The following GRAMD1B variants were observed in gnomAD, a reference collection of about 807,000 sequenced individuals.
GRAMD1B encodes the protein protein Aster-B.
Under a neutral mutation model 99.7 loss-of-function variants are expected in GRAMD1B, and 37 were observed. The observed-to-expected ratio is 0.37, with a 90% CI of 0.29 to 0.49. The LOEUF (loss-of-function observed/expected upper bound fraction) is 0.49, where lower values mean the gene tolerates loss of function less well. Ranked by LOEUF, GRAMD1B falls within the 20% of genes least tolerant of loss-of-function variation. The probability of loss-of-function intolerance (pLI) is 0.98; values close to 1 mark genes in which losing one functional copy is unlikely to be tolerated. For missense variants in GRAMD1B, 888 were observed against 1,009.2 expected, an observed-to-expected ratio of 0.88 and a Z score of 1.63; for synonymous variants, 427 against 387.6, an observed-to-expected ratio of 1.10 and a Z score of -1.19.
chr11:123,365,336 C>T (rs1946282662), intron 1 of GRAMD1B, among the ~76,000 whole-genome samples: 1 of 152,000 alleles, frequency 6.6e-6, no homozygotes, highest in African/African-American at 2.4e-5. Context: ...ACTGCAATTT[C>T]TGCCTCCTGG....
At chr11:123,559,857 G>A (rs1370275653) in intron 2 of GRAMD1B, among the ~76,000 whole-genome samples, 3 of 152,186 alleles carry the variant, frequency 2.0e-5, no homozygotes, top group Non-Finnish European at 4.4e-5. Context: ...TCTACTCCCA[G>A]GCCTCGGGCC....
At chr11:123,408,471 C>A (rs1186128604) in intron 1 of GRAMD1B, among the ~76,000 whole-genome samples, 2 of 152,190 alleles carry the variant, frequency 1.3e-5, no homozygotes, top group African/African-American at 4.8e-5. Context: ...AATTGCCCAA[C>A]CAAAGGATCA....
chr11:123,531,275 C>T (rs1943341707), intron 2 of GRAMD1B, among the ~76,000 whole-genome samples: 1 of 152,156 alleles, frequency 6.6e-6, no homozygotes, highest in Non-Finnish European at 1.5e-5. Context: ...GTGAGAAGGA[C>T]AGCTCAGGGC....
At chr11:123,503,147 C>A (rs1045975284) in intron 2 of GRAMD1B, among the ~76,000 whole-genome samples, 3 of 152,224 alleles carry the variant, frequency 2.0e-5, no homozygotes, top group Non-Finnish European at 4.4e-5. Flanking sequence ...CCTCTGCAGC[C>A]TGGCAATAGG....
intron 1 of GRAMD1B, among the ~76,000 whole-genome samples, chr11:123,455,204 A>G (rs1291588554): frequency 6.6e-6 from 1 of 152,230 alleles, no homozygotes; most frequent in Admixed American, 6.5e-5. Context: ...TTAAACTATA[A>G]TCTTTGTGTC....
intron 19 of GRAMD1B, among the ~76,000 whole-genome samples, chr11:123,622,089 T>G (rs752534314): frequency 1.4e-4 from 22 of 151,898 alleles, no homozygotes; most frequent in Non-Finnish European, 3.1e-4. Flanking sequence ...GGTGCAGTCA[T>G]AGTTCACTGC....
At chr11:123,522,331 T>TTC (rs1282246906) in intron 2 of GRAMD1B, among the ~76,000 whole-genome samples, 1 of 152,192 alleles carries the variant, frequency 6.6e-6, no homozygotes, top group Non-Finnish European at 1.5e-5. Flanking sequence ...TTTTTCTTTT[T>TTC]TCTCTTTTGG....
intron 1 of GRAMD1B, among the ~76,000 whole-genome samples, chr11:123,386,912 A>G (rs957942914): frequency 2.6e-5 from 4 of 152,122 alleles, no homozygotes; most frequent in Non-Finnish European, 5.9e-5. Flanking sequence ...GCTTGTCCAT[A>G]AGTGGAGGAA....
intron 1 of GRAMD1B, among the ~76,000 whole-genome samples, chr11:123,396,539 G>T (rs1399218270): frequency 2.0e-5 from 3 of 152,112 alleles, no homozygotes; most frequent in African/African-American, 7.2e-5. Context: ...GCCTCCCAAA[G>T]TGCTGGGATT....
At chr11:123,479,598 G>A (rs1446645087) in intron 1 of GRAMD1B, among the ~76,000 whole-genome samples, 1 of 152,114 alleles carries the variant, frequency 6.6e-6, no homozygotes, top group Non-Finnish European at 1.5e-5. Flanking sequence ...TGGTAATAAG[G>A]ATTTATTATT....
At chr11:123,565,785 T>C (rs1947299814) in intron 2 of GRAMD1B, among the ~76,000 whole-genome samples, 1 of 152,182 alleles carries the variant, frequency 6.6e-6, no homozygotes, top group South Asian at 2.1e-4. Flanking sequence ...GTAGATCAGC[T>C]CAGCCAACAC....
At chr11:123,388,654 G>A (rs1947159660) in intron 1 of GRAMD1B, among the ~76,000 whole-genome samples, 1 of 151,780 alleles carries the variant, frequency 6.6e-6, no homozygotes, top group Non-Finnish European at 1.5e-5. Context: ...TCCAGCCTGG[G>A]CAACAGAATG....
chr11:123,454,403 C>T (rs75848431), intron 1 of GRAMD1B: 17,432 of 152,246 alleles, frequency 0.11, 1,125 homozygotes, highest in Non-Finnish European at 0.15. Context: ...TGCCAGGCAC[C>T]TTTGCTGAGT....
At chr11:123,427,648 T>C (rs117666138), upstream of GRAMD1B, among the ~76,000 whole-genome samples, 1,776 of 152,304 alleles carry the variant, frequency 0.012, 28 homozygotes, top group Non-Finnish European at 0.017. Context: ...GGATGTGTTT[T>C]GAACAGGGTT....
chr11:123,375,410 A>T (rs749032231), intron 1 of GRAMD1B, among the ~76,000 whole-genome samples: 1 of 152,028 alleles, frequency 6.6e-6, no homozygotes, highest in Non-Finnish European at 1.5e-5. Flanking sequence ...TAAAAAAAAA[A>T]GAGAGAGAGA....
intron 2 of GRAMD1B, among the ~76,000 whole-genome samples, chr11:123,527,257 G>A (rs1022889314): frequency 2.9e-4 from 44 of 152,276 alleles, no homozygotes; most frequent in African/African-American, 1.0e-3. Flanking sequence ...AGCGATTTGA[G>A]GCATGGGGTC....
upstream of GRAMD1B, among the ~76,000 whole-genome samples, chr11:123,426,549 T>G (rs1340834397): frequency 2.6e-5 from 4 of 151,598 alleles, no homozygotes; most frequent in African/African-American, 9.8e-5. Flanking sequence ...ACTTCTTCTA[T>G]GCTCACTGCC....
At chr11:123,572,660 T>A (rs972792227) in intron 2 of GRAMD1B, among the ~76,000 whole-genome samples, 1 of 152,024 alleles carries the variant, frequency 6.6e-6, no homozygotes, top group Non-Finnish European at 1.5e-5. Context: ...TAGATGTCCA[T>A]CAGGTAATTG....
intron 1 of GRAMD1B, among the ~76,000 whole-genome samples, chr11:123,445,118 G>A (rs1949578626): frequency 6.6e-6 from 1 of 152,220 alleles, no homozygotes; most frequent in Admixed American, 6.5e-5. Context: ...GGAAGTCTGT[G>A]AAATAAGGAG....
Sources: allele counts gnomAD v4.1 joint callset (sites outside exome capture counted in the v4.1 genomes callset), GRCh38; gene constraint gnomAD v4.1.1; transcripts MANE v1.5; gene names NCBI Gene and HGNC (gene_info 2026-07-23, HGNC 2026-07-21).